GAD1: variants seen among roughly 807,000 people sequenced by gnomAD.
The protein encoded by GAD1 is glutamate decarboxylase 1.
In GAD1, 35 loss-of-function variants were observed where a neutral mutation model predicts 75.2. That is an observed-to-expected ratio of 0.47 (90% CI 0.36 to 0.62). The LOEUF (loss-of-function observed/expected upper bound fraction) is 0.62, where lower values mean the gene tolerates loss of function less well. Ranked by LOEUF, GAD1 falls within the 20% of genes least tolerant of loss-of-function variation. The pLI is 0.00. For synonymous variants in GAD1, 257 were observed against 271.9 expected (o/e 0.95, Z 0.54); for missense variants, 490 against 758.5 (o/e 0.65, Z 4.16).
chr2:170,844,884 T>C (rs1337233871), intron 7 of GAD1, among the ~76,000 whole-genome samples: 1 of 152,216 alleles, frequency 6.6e-6, no homozygotes, highest in Non-Finnish European at 1.5e-5. Context: ...AATTGTCAGA[T>C]AATTAATGTA....
chr2:170,852,351 A>G, intron 12 of GAD1: 1 of 324,622 alleles, frequency 3.1e-6, no homozygotes, highest in South Asian at 3.1e-5. Context: ...AGAGTTATAT[A>G]ATGTGCCCAA....
intron 2 of GAD1, among the ~76,000 whole-genome samples, chr2:170,820,636 C>G (rs1204849221): frequency 6.6e-6 from 1 of 152,220 alleles, no homozygotes; most frequent in Non-Finnish European, 1.5e-5. Flanking sequence ...CTCCTTGTCC[C>G]CAACCACTAG....
At chr2:170,816,296 CTG>C (rs1411661063), upstream of GAD1, 4 of 152,402 alleles carry the variant, frequency 2.6e-5, no homozygotes, top group Non-Finnish European at 5.9e-5. Context: ...GATGAGGAAA[CTG>C]TAATTCCTCC....
Position 170,847,746 on chromosome 2 carries a change from A to G in GAD1, c.1073A>G (p.Glu358Gly). Reference protein sequence around the residue: ...TVYGAFDPIQEIADICEKYNL... With the variant: ...TVYGAFDPIQGIADICEKYNL... ...TATGGAGCTTTTGATCCGATACAAG[A>G]GATTGCAGATATATGTGAGAAATAT... is the stretch of plus-strand genomic sequence containing the variant. Residue 358 changes from glutamate to glycine, a missense_variant, in exon 11 of 17, where the codon GAG (glutamate) becomes GGG (glycine). This residue lies in a region of GAD1 where 324 missense variants were observed against 523.9 expected (regional missense o/e 0.62). Coordinates refer to ENST00000358196, the MANE Select transcript of GAD1 (RefSeq NM_000817.3). The G allele has an allele frequency of 1.9e-6, 3 of 1,614,130 alleles. No individual in the cohort carries two copies. Among genetic ancestry groups the G allele is most frequent in the Non-Finnish European group, 2.5e-6 (3 of 1,179,972 alleles).
chr2:170,843,761 C>T (rs1702572322), intron 6 of GAD1: 1 of 400,426 alleles, frequency 2.5e-6, no homozygotes, highest in African/African-American at 2.0e-5. Flanking sequence ...TTCTATTCCT[C>T]TGGGTGGACC....
chr2:170,836,356 A>G (rs1452087598), intron 5 of GAD1, among the ~76,000 whole-genome samples: 1 of 152,204 alleles, frequency 6.6e-6, no homozygotes, highest in Non-Finnish European at 1.5e-5. Context: ...TGGGTTGCAC[A>G]GGGATTTAGA....
chr2:170,848,760 G>A (rs764523979), intron 11 of GAD1: 13 of 518,780 alleles, frequency 2.5e-5, no homozygotes, highest in East Asian at 5.4e-5. Flanking sequence ...GCTGTGTCAC[G>A]TGGCATCCCA....
chr2:170,825,636 G>A (rs961339374), intron 3 of GAD1, among the ~76,000 whole-genome samples: 2 of 152,180 alleles, frequency 1.3e-5, no homozygotes, highest in African/African-American at 4.8e-5. Flanking sequence ...CTCTCTCACT[G>A]GGCCCCATAA....
At chr2:170,824,990 T>G (rs897693661) in intron 3 of GAD1, among the ~76,000 whole-genome samples, 4 of 151,714 alleles carry the variant, frequency 2.6e-5, no homozygotes, top group African/African-American at 7.3e-5. Flanking sequence ...TGCCAAACCT[T>G]AAAAATAGAG....
chr2:170,826,393 C>A (rs1370832019), intron 3 of GAD1, among the ~76,000 whole-genome samples: 2 of 151,798 alleles, frequency 1.3e-5, no homozygotes, highest in Non-Finnish European at 2.9e-5. Flanking sequence ...ATGGCGAAAC[C>A]CCCATCTCTA....
chr2:170,818,490 C>A lies in GAD1; in HGVS notation c.-63-39C>A. The A allele has an allele frequency of 9.0e-7, 1 of 1,106,784 alleles. No homozygotes were observed. The highest frequency in any genetic ancestry group is 1.4e-6 in the Non-Finnish European group (1 of 718,680). The allele number at this position is 1,106,784 out of a possible 1,614,324, so 68.6% of individuals were successfully genotyped here. A position where few individuals can be genotyped will look rare whatever the true frequency, so the allele number is the denominator to read the frequency against. ...TCAGTCCCTCCGGTGTGCAGGACCC[C>A]GGAAGTCCTCCCCGCACAGCTCTCG... is the stretch of plus-strand genomic sequence containing the variant. On this transcript the variant is annotated intron_variant, in intron 1 of 16. Transcript: ENST00000358196. The surrounding 1 kb of genome is among the most constrained non-coding windows in gnomAD (Gnocchi z 5.9).
chr2:170,852,435 A>G (rs564915556), intron 12 of GAD1: 1 of 460,172 alleles, frequency 2.2e-6, no homozygotes, highest in South Asian at 2.2e-5. Flanking sequence ...ACCATACCAT[A>G]TTGATATAAT....
intron 14 of GAD1, among the ~76,000 whole-genome samples, chr2:170,856,001 C>G (rs1168140597): frequency 6.6e-6 from 1 of 152,016 alleles, no homozygotes; most frequent in Admixed American, 6.5e-5. Context: ...TAACAATAAC[C>G]TCTTGAACCA....
At chr2:170,835,756 A>G (rs1004115534) in intron 5 of GAD1, among the ~76,000 whole-genome samples, 1 of 152,224 alleles carries the variant, frequency 6.6e-6, no homozygotes, top group African/African-American at 2.4e-5. Context: ...TATTGCATAT[A>G]TATTTTAATG....
chr2:170,818,753 G>A lies in GAD1; in HGVS notation c.82+80G>A, dbSNP rs1469336192. 2 of 1,351,480 alleles carry A rather than the reference G, an allele frequency of 1.5e-6. No homozygotes were observed. The highest frequency in any genetic ancestry group is 2.3e-5 in the East Asian group (1 of 43,594). The allele number at this position is 1,351,480 out of a possible 1,614,324, so 83.7% of individuals were successfully genotyped here. A position where few individuals can be genotyped will look rare whatever the true frequency, so the allele number is the denominator to read the frequency against. On this transcript the variant is annotated intron_variant, in intron 2 of 16. Coordinates refer to ENST00000358196, the MANE Select transcript of GAD1 (RefSeq NM_000817.3). The surrounding 1 kb of genome is among the most constrained non-coding windows in gnomAD (Gnocchi z 5.9). The stretch of plus-strand genomic sequence containing the variant: ...GGGACGTCGGGAGGCTGAGCTGGCG[G>A]AAAGGGAAGGGGGAGCGCGGAGATA...
intron 11 of GAD1, chr2:170,848,683 G>T: frequency 1.9e-6 from 1 of 518,060 alleles, no homozygotes; most frequent in Non-Finnish European, 3.9e-6. Context: ...ATTTTCTTAG[G>T]GATTTAACTT....
chr2:170,854,060 T>A, intron 14 of GAD1, 38 bp downstream of exon 14: 1 of 1,612,974 alleles, frequency 6.2e-7, no homozygotes. Flanking sequence ...AGCAGAAATG[T>A]AATTTGCACA....
At position 170,822,810 on chromosome 2, in the gene GAD1, G is replaced by A. The variant is rs529462755; in HGVS notation, c.145+661G>A. ...TGGCCTGCCTGAGGGAGGCACGAGG[G>A]TTTGCCTGGCGCATCCTTGAAGGCG... On this transcript the variant is annotated intron_variant, in intron 3 of 16. Coordinates refer to ENST00000358196, the MANE Select transcript of GAD1 (RefSeq NM_000817.3). Among the ~76,000 whole-genome samples the A allele has an allele frequency of 1.4e-3, 211 of 152,332 alleles. 1 individual carries two copies. The highest frequency in any genetic ancestry group is 4.2e-3 in the African/African-American group (175 of 41,578).
chr2:170,856,724 G>A (rs1702860456), intron 14 of GAD1, among the ~76,000 whole-genome samples: 1 of 152,166 alleles, frequency 6.6e-6, no homozygotes, highest in Non-Finnish European at 1.5e-5. Context: ...AGTGGCCTCA[G>A]TTCATAGATG....
Sources: allele counts gnomAD v4.1 joint callset (sites outside exome capture counted in the v4.1 genomes callset), GRCh38; gene constraint gnomAD v4.1.1; regional missense constraint gnomAD v4.1.1; non-coding constraint Gnocchi (gnomAD v3.1); transcripts MANE v1.5; gene names NCBI Gene and HGNC (gene_info 2026-07-23, HGNC 2026-07-21).